GRID1: variants seen among roughly 807,000 people sequenced by gnomAD.
GRID1 encodes glutamate receptor ionotropic, delta-1.
Under a neutral mutation model 98.0 loss-of-function variants are expected in GRID1, and 28 were observed. The observed-to-expected ratio is 0.29, with a 90% CI of 0.21 to 0.39. GRID1 has a LOEUF of 0.39. Ranked by LOEUF, GRID1 falls within the 10% of genes least tolerant of loss-of-function variation. GRID1 has a pLI of 1.00. For synonymous variants in GRID1, 553 were observed against 538.5 expected, an observed-to-expected ratio of 1.03 and a Z score of -0.37; for missense variants, 1,111 against 1,340.5, an observed-to-expected ratio of 0.83 and a Z score of 2.67.
At chr10:85,704,584 T>C (rs1233334415) in intron 12 of GRID1, among the ~76,000 whole-genome samples, 3 of 152,024 alleles carry the variant, frequency 2.0e-5, no homozygotes, top group Non-Finnish European at 4.4e-5. Flanking sequence ...AACAAGGATA[T>C]CCAGGAATTG....
At chr10:85,642,093 T>G (rs1843127959) in intron 13 of GRID1, among the ~76,000 whole-genome samples, 1 of 152,188 alleles carries the variant, frequency 6.6e-6, no homozygotes. Context: ...GTCCTCAAAC[T>G]TTTTCTATAA....
chr10:85,770,088 G>A (rs1258852643), intron 8 of GRID1, among the ~76,000 whole-genome samples: 1 of 152,202 alleles, frequency 6.6e-6, no homozygotes, highest in South Asian at 2.1e-4. Flanking sequence ...AGTAGGGGCA[G>A]ACTGACACCT....
At chr10:86,062,132 T>C (rs1843657510) in intron 4 of GRID1, among the ~76,000 whole-genome samples, 1 of 152,180 alleles carries the variant, frequency 6.6e-6, no homozygotes, top group Non-Finnish European at 1.5e-5. Flanking sequence ...TCTGGTTAAA[T>C]GAGGGCAAAA....
At chr10:86,170,205 G>A (rs1315104594) in intron 3 of GRID1, among the ~76,000 whole-genome samples, 1 of 152,182 alleles carries the variant, frequency 6.6e-6, no homozygotes, top group Admixed American at 6.5e-5. Context: ...CACAGGACTG[G>A]GTTTCTGTAC....
At chr10:86,201,861 C>T (rs1021116043) in intron 3 of GRID1, among the ~76,000 whole-genome samples, 10 of 152,128 alleles carry the variant, frequency 6.6e-5, no homozygotes, top group Non-Finnish European at 8.8e-5. Context: ...AAGCGAGGGT[C>T]TTGTTAGCAC....
At chr10:85,862,804 C>T (rs565970091) in intron 6 of GRID1, among the ~76,000 whole-genome samples, 2 of 152,278 alleles carry the variant, frequency 1.3e-5, no homozygotes, top group East Asian at 3.9e-4. Context: ...TACCTTGTGG[C>T]AGCAGGAGCA....
intron 4 of GRID1, among the ~76,000 whole-genome samples, chr10:85,959,258 C>T (rs1842234628): frequency 6.6e-6 from 1 of 152,200 alleles, no homozygotes; most frequent in South Asian, 2.1e-4. Context: ...CTGACTGATG[C>T]AACACTTCTC....
intron 2 of GRID1, among the ~76,000 whole-genome samples, chr10:86,351,067 C>T (rs939992445): frequency 2.0e-5 from 3 of 152,232 alleles, no homozygotes; most frequent in Admixed American, 6.5e-5. Context: ...CAGGCAATCA[C>T]CAGGAGCCTG....
intron 12 of GRID1, among the ~76,000 whole-genome samples, chr10:85,720,003 T>C (rs1841682061): frequency 6.6e-6 from 1 of 152,190 alleles, no homozygotes; most frequent in Admixed American, 6.5e-5. Flanking sequence ...AAATATCATG[T>C]TGTATACTGT....
chr10:85,649,783 A>G (rs1401841130), intron 12 of GRID1, among the ~76,000 whole-genome samples: 4 of 152,098 alleles, frequency 2.6e-5, no homozygotes, highest in Non-Finnish European at 5.9e-5. Flanking sequence ...AGGCAGCCCA[A>G]ATGTTTATGG....
intron 8 of GRID1, among the ~76,000 whole-genome samples, chr10:85,827,857 T>C (rs1842833222): frequency 6.6e-6 from 1 of 152,130 alleles, no homozygotes; most frequent in Non-Finnish European, 1.5e-5. Context: ...ACAGCCCACT[T>C]ATAGTATTCG....
intron 4 of GRID1, among the ~76,000 whole-genome samples, chr10:86,094,143 G>A (rs2131940199): frequency 6.6e-6 from 1 of 152,256 alleles, no homozygotes; most frequent in African/African-American, 2.4e-5. Flanking sequence ...CAAAAATCCA[G>A]CATCGCTTTA....
Position 85,613,438 on chromosome 10 carries a change from C to T in GRID1, c.2570G>A (p.Ser857Asn). Residue 857 changes from serine (S) to asparagine (N), a missense_variant, in exon 15 of 16, where the codon AGC becomes AAC. Coordinates refer to ENST00000327946, the MANE Select transcript of GRID1 (RefSeq NM_017551.3). ...GGGGGTCTCCTGGTGGCACCGGTTGCTGTTCCACCACAACTCCAGGGCAGC... is the reference window on the plus strand; with the variant it reads ...GGGGGTCTCCTGGTGGCACCGGTTGTTGTTCCACCACAACTCCAGGGCAGC... ...LVAALELWWN[S>N]NRCHQETPKE... 1 of 1,613,672 alleles carries T rather than the reference C, an allele frequency of 6.2e-7. No homozygotes were observed. Among genetic ancestry groups the T allele is most frequent in the Non-Finnish European group, 8.5e-7 (1 of 1,179,974 alleles).
At chr10:85,626,599 T>C (rs1020936648) in intron 13 of GRID1, among the ~76,000 whole-genome samples, 7 of 152,238 alleles carry the variant, frequency 4.6e-5, no homozygotes, top group Admixed American at 2.6e-4. Flanking sequence ...TCACCATCCA[T>C]GCAGAGTGCA....
At chr10:86,031,042 C>T (rs1589343703) in intron 4 of GRID1, among the ~76,000 whole-genome samples, 1 of 152,254 alleles carries the variant, frequency 6.6e-6, no homozygotes, top group East Asian at 1.9e-4. Context: ...CTCCTCAAAC[C>T]CGCCTATAAA....
At chr10:86,222,414 T>C (rs1326982038) in intron 2 of GRID1, among the ~76,000 whole-genome samples, 1 of 151,978 alleles carries the variant, frequency 6.6e-6, no homozygotes, top group Non-Finnish European at 1.5e-5. Flanking sequence ...GCCATCTGAG[T>C]GCCCAGGGAA....
chr10:85,812,930 G>A (rs951329374), intron 8 of GRID1, among the ~76,000 whole-genome samples: 39 of 151,804 alleles, frequency 2.6e-4, no homozygotes, highest in African/African-American at 9.4e-4. Flanking sequence ...GGCTCTTGCT[G>A]TGTATCAGCA....
chr10:85,677,078 T>C (rs1298745052), intron 12 of GRID1, among the ~76,000 whole-genome samples: 1 of 152,214 alleles, frequency 6.6e-6, no homozygotes. Flanking sequence ...GATTTGGGAA[T>C]GTGTGACAGA....
intron 9 of GRID1, among the ~76,000 whole-genome samples, chr10:85,728,994 A>G (rs1405308932): frequency 3.3e-5 from 5 of 152,220 alleles, no homozygotes; most frequent in Middle Eastern, 3.2e-3. Context: ...AGATGCTTTT[A>G]AAGTCTCTTA....
Sources: gnomAD v4.1 joint callset for allele counts (sites outside exome capture counted in the v4.1 genomes callset) on GRCh38, gnomAD v4.1.1 for gene constraint, MANE v1.5 for transcripts, NCBI Gene and HGNC (gene_info 2026-07-23, HGNC 2026-07-21) for gene names.